The following CAPN2 variants were observed in gnomAD, a reference collection of about 807,000 sequenced individuals.
CAPN2 encodes the protein calpain-2 catalytic subunit.
A neutral mutation model predicts 102.3 loss-of-function variants in CAPN2; 92 were observed. The observed-to-expected ratio is 0.90, with a 90% CI of 0.76 to 1.07. The LOEUF (loss-of-function observed/expected upper bound fraction) is 1.07. CAPN2 is among the 50% of genes least tolerant of loss of function. The pLI is 0.00. For synonymous variants in CAPN2, 340 were observed against 355.4 expected (o/e 0.96, Z 0.49); for missense variants, 800 against 909.4 (o/e 0.88, Z 1.55).
Position 223,751,326 on chromosome 1 carries a change from G to A in CAPN2, c.899+351G>A, listed in dbSNP as rs545363385. On this transcript the variant is annotated intron_variant, in intron 7 of 20. Transcript: ENST00000295006. Reference sequence around the variant, plus strand: ...CCCCAGGCACTTCTATTACAGGGATGTGAACTTTGTACCAAAGGCCAGAGA... The same window carrying A: ...CCCCAGGCACTTCTATTACAGGGATATGAACTTTGTACCAAAGGCCAGAGA... Among the ~76,000 whole-genome samples the A allele has an allele frequency of 1.5e-4, 23 of 152,328 alleles. No homozygotes were observed. The South Asian group carries it at 4.8e-3, about 32-fold the overall frequency.
In CAPN2 at chr1:223,755,363, A is replaced by T; in HGVS notation, c.1136-117A>T. ...CTCTTACCATCTCCCACCACCTCCCACCATCTCCCTTTATCTCCATCCCTC... is the reference window on the plus strand; with the variant it reads ...CTCTTACCATCTCCCACCACCTCCCTCCATCTCCCTTTATCTCCATCCCTC... On this transcript the variant is annotated intron_variant, in intron 9 of 20. Coordinates refer to ENST00000295006, the MANE Select transcript of CAPN2 (RefSeq NM_001748.5). This position sits in a 1 kb window ranked among gnomAD's most constrained non-coding sequence, Gnocchi z 4.1. 2.1e-6 allele frequency: 2 copies of T among 956,670 alleles called. No homozygotes were observed. Among genetic ancestry groups the T allele is most frequent in the East Asian group, 2.5e-5 (1 of 39,504 alleles). The allele number at this position is 956,670 out of a possible 1,614,324, so 59.3% of individuals were successfully genotyped here. A position where few individuals can be genotyped will look rare whatever the true frequency, so the allele number is the denominator to read the frequency against.
chr1:223,728,348 T>G (rs1034772515), intron 2 of CAPN2, among the ~76,000 whole-genome samples: 6 of 152,146 alleles, frequency 3.9e-5, no homozygotes, highest in Non-Finnish European at 8.8e-5. Context: ...TCCAGGGATC[T>G]CTGTCTCTTT....
chr1:223,705,458 C>T (rs1307933269), intron 1 of CAPN2, among the ~76,000 whole-genome samples: 1 of 151,992 alleles, frequency 6.6e-6, no homozygotes, highest in Non-Finnish European at 1.5e-5. Context: ...CTGGGCAGTT[C>T]TAGAATTTCG....
Position 223,712,827 on chromosome 1 carries a change from T to C in CAPN2, c.187T>C (p.Leu63=). The stretch of plus-strand genomic sequence containing the variant: ...CCCCTCGGCCCTGGGCTTCAAGGAG[T>C]TGGGGCCCTACTCCAGCAAAACCCG... ...AIPSALGFKE[L]GPYSSKTRGI... The change falls in exon 1 of 21, where the codon TTG becomes CTG. Residue 63 remains leucine (L), a synonymous_variant. Transcript: ENST00000295006. The C allele has an allele frequency of 2.6e-6, 4 of 1,567,766 alleles. No homozygotes were observed. Among genetic ancestry groups the C allele is most frequent in the East Asian group, 5.0e-5 (2 of 40,004 alleles).
chr1:223,747,650 G>C (rs1367137346), intron 5 of CAPN2, among the ~76,000 whole-genome samples: 1 of 152,156 alleles, frequency 6.6e-6, no homozygotes, highest in Non-Finnish European at 1.5e-5. Flanking sequence ...TATGAGTTCA[G>C]TTCATAATAA....
At position 223,767,193 on chromosome 1, in the gene CAPN2, TTTTTTA is replaced by T. The variant is rs1558078640; in HGVS notation, c.1755+765_1755+770del. Among the ~76,000 whole-genome samples the T allele has an allele frequency of 4.0e-4, 59 of 148,880 alleles. 1 individual carries two copies. In the Middle Eastern group the frequency reaches 0.014, roughly 35 times the overall value. On this transcript the variant is annotated intron_variant, in intron 16 of 20. Transcript: ENST00000295006. ...TCTTCTTTATTTATTTATTTATTTATTTTTTATTATTATACTTTAAGTTTTAGGGTA... is the reference window on the plus strand; with the variant it reads ...TCTTCTTTATTTATTTATTTATTTATTTATTATACTTTAAGTTTTAGGGTA...
chr1:223,704,925 C>T (rs1659569445), intron 1 of CAPN2, among the ~76,000 whole-genome samples: 1 of 152,182 alleles, frequency 6.6e-6, no homozygotes, highest in African/African-American at 2.4e-5. Context: ...TCATATGTCA[C>T]AGCAGGATGG....
At chr1:223,713,452 C>A (rs1659793658) in intron 1 of CAPN2, among the ~76,000 whole-genome samples, 1 of 152,100 alleles carries the variant, frequency 6.6e-6, no homozygotes, top group African/African-American at 2.4e-5. Context: ...GGTAATTAAC[C>A]CAGGACACGG....
chr1:223,749,992 AAAGT>A (rs1485296195), intron 6 of CAPN2, among the ~76,000 whole-genome samples: 1 of 152,152 alleles, frequency 6.6e-6, no homozygotes, highest in African/African-American at 2.4e-5. Flanking sequence ...CCTCAGCGAC[AAAGT>A]AAGACCATGT....
intron 4 of CAPN2, 118 bp downstream of exon 4, chr1:223,745,557 G>A: frequency 8.5e-7 from 1 of 1,180,284 alleles, no homozygotes; most frequent in Non-Finnish European, 1.2e-6. Context: ...GATCATTTGA[G>A]GTCAGGAGTT....
At chr1:223,757,336 C>G in intron 10 of CAPN2, 33 bp from the exon 11 acceptor site, 1 of 1,613,860 alleles carries the variant, frequency 6.2e-7, no homozygotes, top group Non-Finnish European at 8.5e-7. Flanking sequence ...ACTGCTTTTC[C>G]GGCATCTGAA....
At chr1:223,757,689 T>C (rs2102807820) in intron 11 of CAPN2, 2 of 463,634 alleles carry the variant, frequency 4.3e-6, no homozygotes, top group Non-Finnish European at 7.7e-6. Context: ...TTCACAAAGT[T>C]CTTTGTCACT....
intron 2 of CAPN2, among the ~76,000 whole-genome samples, chr1:223,741,838 G>A (rs59248553): frequency 0.23 from 35,317 of 151,576 alleles, 6,955 homozygotes; most frequent in African/African-American, 0.54. Flanking sequence ...GTGCAGTGGC[G>A]TGATCTTGGC....
In CAPN2 at chr1:223,755,740, T is replaced by G. The variant is rs1661019424; in HGVS notation, c.1305+91T>G. ...CTGACCCCAGAGGCAGAACTGGGGA[T>G]GGGATCCCAGACCGGGAGCTTGGCC... On this transcript the variant is annotated intron_variant, in intron 10 of 20. Coordinates refer to ENST00000295006, the MANE Select transcript of CAPN2 (RefSeq NM_001748.5). The surrounding 1 kb of genome is among the most constrained non-coding windows in gnomAD (Gnocchi z 4.1). 7.8e-7 allele frequency: 1 copy of G among 1,275,682 alleles called. No homozygotes were observed. The highest frequency in any genetic ancestry group is 1.1e-6 in the Non-Finnish European group (1 of 943,054). The allele number at this position is 1,275,682 out of a possible 1,614,324, so 79.0% of individuals were successfully genotyped here.
intron 13 of CAPN2, 143 bp from the exon 14 acceptor site, chr1:223,762,043 T>C: frequency 1.6e-6 from 1 of 626,584 alleles, no homozygotes; most frequent in Non-Finnish European, 2.8e-6. Flanking sequence ...CTATACCTGA[T>C]CTTAACCCAA....
chr1:223,735,427 C>G (rs970523713), intron 2 of CAPN2, among the ~76,000 whole-genome samples: 5 of 151,558 alleles, frequency 3.3e-5, no homozygotes, highest in African/African-American at 1.2e-4. Context: ...ACTCAGGAGG[C>G]TGAGGCAGGA....
At chr1:223,772,066 G>T in intron 19 of CAPN2, 115 bp from the exon 20 acceptor site, 1 of 1,137,762 alleles carries the variant, frequency 8.8e-7, no homozygotes, top group Admixed American at 1.7e-5. Flanking sequence ...TAATTTGAGG[G>T]TGAGGAAGAA....
chr1:223,766,607 C>T (rs1359981667), intron 16 of CAPN2, among the ~76,000 whole-genome samples, 176 bp downstream of exon 16: 1 of 152,164 alleles, frequency 6.6e-6, no homozygotes, highest in Admixed American at 6.5e-5. Flanking sequence ...TGCGAGAACC[C>T]TCTGATGAGG....
intron 15 of CAPN2, among the ~76,000 whole-genome samples, chr1:223,764,997 A>AT (rs28370139): frequency 6.6e-6 from 1 of 152,162 alleles, no homozygotes; most frequent in African/African-American, 2.4e-5. Context: ...ACACAGAGAC[A>AT]TTTTTTCCCC....
Sources: gnomAD v4.1 joint callset for allele counts (sites outside exome capture counted in the v4.1 genomes callset) on GRCh38, gnomAD v4.1.1 for gene constraint, Gnocchi (gnomAD v3.1) non-coding constraint, MANE v1.5 for transcripts, NCBI Gene and HGNC (gene_info 2026-07-23, HGNC 2026-07-21) for gene names.